The following RARB variants were observed in gnomAD, a reference collection of about 807,000 sequenced individuals.
RARB encodes the protein HBV-activated protein.
In RARB, 17 loss-of-function variants were observed where a neutral mutation model predicts 51.9. The observed-to-expected ratio is 0.33, with a 90% CI of 0.22 to 0.49. The LOEUF (loss-of-function observed/expected upper bound fraction) is 0.49. Ranked by LOEUF, RARB falls within the 20% of genes least tolerant of loss-of-function variation. The pLI, the probability that RARB is intolerant of heterozygous loss-of-function variation, is 0.99. For synonymous variants in RARB, 215 were observed against 195.4 expected (o/e 1.10, Z -0.84); for missense variants, 369 against 550.8 (o/e 0.67, Z 3.30).
intron 2 of RARB, among the ~76,000 whole-genome samples, chr3:25,467,976 T>C (rs1441848992): frequency 6.6e-6 from 1 of 152,132 alleles, no homozygotes; most frequent in Non-Finnish European, 1.5e-5. Flanking sequence ...TTTAGGGGTA[T>C]TCTATTTCAC....
intron 3 of RARB, among the ~76,000 whole-genome samples, chr3:25,071,861 G>A (rs1312187120): frequency 6.6e-6 from 1 of 152,132 alleles, no homozygotes; most frequent in African/African-American, 2.4e-5. Context: ...AAGCTTTAAT[G>A]TGCTACTACT....
At chr3:25,577,547 T>A (rs1700989832) in intron 4 of RARB, among the ~76,000 whole-genome samples, 1 of 152,242 alleles carries the variant, frequency 6.6e-6, no homozygotes, top group African/African-American at 2.4e-5. Context: ...CACAGAATTT[T>A]AATTCTTTAT....
Position 25,378,043 on chromosome 3 carries a change from A to G in RARB, c.179-83150A>G, listed in dbSNP as rs569790979. On this transcript the variant is annotated intron_variant, in intron 5 of 11. Transcript: ENST00000383772. ...AATTTAGATGAAAATGGAACATAAG[A>G]GTTCATCATATTAGCCATCAAAGTT... is the stretch of plus-strand genomic sequence containing the variant. 1.1e-4 allele frequency among the ~76,000 whole-genome samples: 16 copies of G among 152,346 alleles called. No homozygotes were observed. The South Asian group carries it at 1.7e-3, about 16-fold the overall frequency.
chr3:25,522,268 G>T (rs1418918787), intron 3 of RARB, among the ~76,000 whole-genome samples: 1 of 152,060 alleles, frequency 6.6e-6, no homozygotes. Context: ...CATCAAAATT[G>T]TACTTTCTAT....
intron 3 of RARB, among the ~76,000 whole-genome samples, chr3:25,087,729 G>A (rs931769560): frequency 6.6e-6 from 1 of 151,952 alleles, no homozygotes; most frequent in Non-Finnish European, 1.5e-5. Context: ...TTACAGGTAC[G>A]AACAATTTTT....
chr3:25,471,332 T>C (rs1695680109), intron 2 of RARB, among the ~76,000 whole-genome samples: 4 of 152,254 alleles, frequency 2.6e-5, no homozygotes, highest in Admixed American at 2.0e-4. Context: ...TACTGAGGGC[T>C]GTTAGTGCTT....
chr3:25,180,589 G>A (rs771305342), intron 5 of RARB, among the ~76,000 whole-genome samples: 9 of 152,196 alleles, frequency 5.9e-5, no homozygotes, highest in Non-Finnish European at 1.2e-4. Context: ...AGTGGCCTGG[G>A]CCATCTTCAG....
chr3:24,867,179 T>C (rs9845715), intron 2 of RARB, among the ~76,000 whole-genome samples: 10,886 of 152,218 alleles, frequency 0.072, 805 homozygotes, highest in African/African-American at 0.18. Context: ...AGAATTTGTG[T>C]TTCTCTCATC....
intron 2 of RARB, among the ~76,000 whole-genome samples, chr3:25,494,253 G>GCACACACGCACACACACACACA (rs757972807): frequency 5.2e-4 from 68 of 131,966 alleles, no homozygotes; most frequent in African/African-American, 1.5e-3. Flanking sequence ...TGTATCTTAC[G>GCACACACGCACACACACACACA]CACACACACA....
chr3:25,102,999 G>A (rs1026085578), intron 3 of RARB, among the ~76,000 whole-genome samples: 19 of 152,280 alleles, frequency 1.2e-4, no homozygotes, highest in Admixed American at 2.6e-4. Flanking sequence ...GCAGTGAGCC[G>A]AGAGTGCGCC....
At chr3:25,269,691 CTT>C (rs1482766941) in intron 5 of RARB, among the ~76,000 whole-genome samples, 1 of 152,172 alleles carries the variant, frequency 6.6e-6, no homozygotes, top group African/African-American at 2.4e-5. Context: ...AGTAAACTCA[CTT>C]AACAGCTAAT....
intron 1 of RARB, among the ~76,000 whole-genome samples, chr3:25,448,483 T>C (rs975717944): frequency 6.6e-6 from 1 of 152,248 alleles, no homozygotes; most frequent in East Asian, 1.9e-4. Context: ...TTTTTGTTTT[T>C]TGAGACAGAG....
chr3:25,133,963 T>TAAAAAAA (rs548061331), intron 4 of RARB, among the ~76,000 whole-genome samples: 1 of 127,590 alleles, frequency 7.8e-6, no homozygotes, highest in Non-Finnish European at 1.7e-5. Flanking sequence ...CTGTTTTCAT[T>TAAAAAAA]AAAAAAAAAA....
intron 3 of RARB, among the ~76,000 whole-genome samples, chr3:25,506,716 T>C (rs1032055460): frequency 6.6e-6 from 1 of 152,402 alleles, no homozygotes. Flanking sequence ...GTGGTTATAT[T>C]CCAGTAAATC....
At chr3:24,894,206 T>A (rs1329083738) in intron 2 of RARB, among the ~76,000 whole-genome samples, 2 of 151,988 alleles carry the variant, frequency 1.3e-5, no homozygotes, top group African/African-American at 4.8e-5. Context: ...GTACAAATGA[T>A]CCTATCACCC....
At chr3:24,836,418 C>T (rs1170777037) in intron 1 of RARB, among the ~76,000 whole-genome samples, 1 of 152,156 alleles carries the variant, frequency 6.6e-6, no homozygotes, top group Non-Finnish European at 1.5e-5. Flanking sequence ...AAAACACTGG[C>T]AGTCAAAAAA....
At chr3:25,550,189 G>C (rs1285240184) in intron 3 of RARB, among the ~76,000 whole-genome samples, 1 of 152,136 alleles carries the variant, frequency 6.6e-6, no homozygotes, top group Non-Finnish European at 1.5e-5. Context: ...TAAGATACTT[G>C]GCAGTAAAAT....
intron 5 of RARB, among the ~76,000 whole-genome samples, chr3:25,251,518 C>G (rs1025035093): frequency 2.6e-4 from 40 of 152,146 alleles, no homozygotes; most frequent in African/African-American, 8.9e-4. Context: ...TCCATATCCT[C>G]TCCAAAAGTT....
intron 3 of RARB, among the ~76,000 whole-genome samples, chr3:25,075,938 G>A (rs1351155238): frequency 6.6e-6 from 1 of 152,046 alleles, no homozygotes; most frequent in East Asian, 1.9e-4. Context: ...TGTGCCATTA[G>A]ATGTCTGAAA....
Sources: gnomAD v4.1 joint callset for allele counts (sites outside exome capture counted in the v4.1 genomes callset) on GRCh38, gnomAD v4.1.1 for gene constraint, MANE v1.5 for transcripts, NCBI Gene and HGNC (gene_info 2026-07-23, HGNC 2026-07-21) for gene names.